Variants in SRPK2 observed in about 807,000 individuals in gnomAD.
SRPK2 encodes SRSF protein kinase 2, also known as SFRS protein kinase 2.
In SRPK2, 21 loss-of-function variants were observed where a neutral mutation model predicts 90.8. The observed-to-expected ratio is 0.23, with a 90% CI of 0.16 to 0.33. The LOEUF is 0.33. Among genes scored for constraint, SRPK2 ranks in the 10% least tolerant of loss-of-function variants. The pLI, the probability that SRPK2 is intolerant of heterozygous loss-of-function variation, is 1.00. For missense variants in SRPK2, 620 were observed against 869.0 expected (o/e 0.71, Z 3.60); for synonymous variants, 288 against 311.1 (o/e 0.93, Z 0.78).
chr7:105,246,606 C>G (rs1445529354), intron 2 of SRPK2, among the ~76,000 whole-genome samples: 1 of 152,198 alleles, frequency 6.6e-6, no homozygotes, highest in Non-Finnish European at 1.5e-5. Context: ...GACAGTGACA[C>G]TGAGGAAGGG....
intron 15 of SRPK2, chr7:105,125,765 T>C: frequency 8.5e-7 from 1 of 1,170,036 alleles, no homozygotes; most frequent in Non-Finnish European, 1.1e-6. Flanking sequence ...AAATTAGTGT[T>C]GCATAAATAC....
At chr7:105,340,693 C>T (rs1031923374) in intron 2 of SRPK2, among the ~76,000 whole-genome samples, 9 of 152,128 alleles carry the variant, frequency 5.9e-5, no homozygotes, top group Non-Finnish European at 1.2e-4. Context: ...ATCTTCCTGC[C>T]TCAGCTTCCC....
At chr7:105,220,800 C>T (rs1798003561) in intron 2 of SRPK2, among the ~76,000 whole-genome samples, 1 of 152,016 alleles carries the variant, frequency 6.6e-6, no homozygotes, top group African/African-American at 2.4e-5. Flanking sequence ...GATTTGATGT[C>T]ATCCCAGGAT....
intron 2 of SRPK2, among the ~76,000 whole-genome samples, chr7:105,279,770 C>T (rs1362628458): frequency 1.3e-5 from 2 of 152,206 alleles, no homozygotes; most frequent in African/African-American, 4.8e-5. Context: ...GACAAAGTAT[C>T]ATTAATAGTT....
At chr7:105,340,399 CTTTTTTTTTTTT>C (rs781142110) in intron 2 of SRPK2, among the ~76,000 whole-genome samples, 1 of 128,314 alleles carries the variant, frequency 7.8e-6, no homozygotes, top group Non-Finnish European at 1.7e-5. Context: ...CTTTTCTCTC[CTTTTTTTTTTTT>C]TTTTTTTTGA....
chr7:105,313,472 A>T (rs1489482811), intron 2 of SRPK2, among the ~76,000 whole-genome samples: 1 of 148,498 alleles, frequency 6.7e-6, no homozygotes, highest in Non-Finnish European at 1.5e-5. Context: ...AAAATTGGCC[A>T]GGCACAGTGG....
intron 13 of SRPK2, among the ~76,000 whole-genome samples, chr7:105,127,705 C>T (rs1343283600): frequency 6.9e-6 from 1 of 145,166 alleles, no homozygotes; most frequent in African/African-American, 2.5e-5. Context: ...TGTCCCTCAG[C>T]ATGCCAGCAT....
intron 2 of SRPK2, among the ~76,000 whole-genome samples, chr7:105,321,175 C>G (rs1052993516): frequency 2.6e-5 from 4 of 152,128 alleles, no homozygotes; most frequent in African/African-American, 9.7e-5. Flanking sequence ...AACAGATATA[C>G]ACATGCACAG....
rs1814147281 is a variant in SRPK2 at position 105,330,284 on chromosome 7, C to A, written c.71+58364G>T. 5.3e-5 allele frequency among the ~76,000 whole-genome samples: 8 copies of A among 151,864 alleles called. No individual in the cohort carries two copies. In the South Asian group the frequency reaches 1.5e-3, roughly 28 times the overall value. On this transcript the variant is annotated intron_variant, in intron 2 of 15. Transcript: ENST00000393651. ...CCCAGGAGGTGGAGCTTGCAGTGAG[C>A]CGAGATCGCGCCACTGCACTCCAGC...
At chr7:105,285,468 T>TATTCTGATTATATATA (rs1807968587) in intron 2 of SRPK2, among the ~76,000 whole-genome samples, 1 of 149,766 alleles carries the variant, frequency 6.7e-6, no homozygotes, top group South Asian at 2.1e-4. Flanking sequence ...GACATTAAAA[T>TATTCTGATTATATATA]ATCAGGATAA....
intron 2 of SRPK2, among the ~76,000 whole-genome samples, chr7:105,245,874 G>A (rs927473094): frequency 4.6e-5 from 7 of 151,964 alleles, no homozygotes; most frequent in South Asian, 2.1e-4. Flanking sequence ...ACACATCATC[G>A]CACCCAGCTG....
chr7:105,363,316 T>C lies in SRPK2; in HGVS notation c.71+25332A>G, dbSNP rs7807830. On this transcript the variant is annotated intron_variant, in intron 2 of 15. Coordinates refer to ENST00000393651, the MANE Select transcript of SRPK2 (RefSeq NM_182692.3). ...TAATATCCAGAATCTACAAAGAACT[T>C]AAACAAATTTACAAGAAAAAATCAA... 1.6e-3 allele frequency among the ~76,000 whole-genome samples: 247 copies of C among 152,020 alleles called. 1 individual carries two copies. The highest frequency in any genetic ancestry group is 5.6e-3 in the African/African-American group (234 of 41,490).
chr7:105,132,974 C>A, intron 12 of SRPK2, 30 bp downstream of exon 12: 3 of 1,613,632 alleles, frequency 1.9e-6, no homozygotes, highest in Non-Finnish European at 2.5e-6. Flanking sequence ...GAATCAAGAC[C>A]AAAGGTTTTA....
upstream of SRPK2, chr7:105,389,034 C>T (rs997562855): frequency 4.1e-6 from 4 of 971,808 alleles, no homozygotes; most frequent in African/African-American, 5.4e-5. Flanking sequence ...ACCCCAGCGC[C>T]GCGCGCCCAG....
intron 2 of SRPK2, among the ~76,000 whole-genome samples, chr7:105,261,562 AC>A (rs990460597): frequency 6.6e-6 from 1 of 151,978 alleles, no homozygotes. Flanking sequence ...AAAATCTAAG[AC>A]CTGTAACCTT....
intron 2 of SRPK2, among the ~76,000 whole-genome samples, chr7:105,209,035 C>A (rs942559853): frequency 2.0e-5 from 3 of 152,184 alleles, no homozygotes; most frequent in Admixed American, 2.0e-4. Flanking sequence ...TCCAACACTA[C>A]ACCGTTATAA....
chr7:105,230,515 G>A (rs1799291190), intron 2 of SRPK2, among the ~76,000 whole-genome samples: 1 of 152,166 alleles, frequency 6.6e-6, no homozygotes, highest in African/African-American at 2.4e-5. Context: ...ACTTAAGCAT[G>A]ATGAAGAAAG....
At chr7:105,132,193 C>T (rs1167289045) in intron 13 of SRPK2, among the ~76,000 whole-genome samples, 2 of 152,214 alleles carry the variant, frequency 1.3e-5, no homozygotes, top group Non-Finnish European at 2.9e-5. Context: ...AGGGAGTGGG[C>T]GTTGCTGCCA....
intron 2 of SRPK2, among the ~76,000 whole-genome samples, chr7:105,368,613 G>A (rs537220327): frequency 3.5e-4 from 54 of 152,208 alleles, no homozygotes; most frequent in Non-Finnish European, 4.4e-4. Flanking sequence ...TGCTGGCCAC[G>A]GCGGCTCAAG....
Sources: allele counts gnomAD v4.1 joint callset (sites outside exome capture counted in the v4.1 genomes callset), GRCh38; gene constraint gnomAD v4.1.1; transcripts MANE v1.5; gene names NCBI Gene and HGNC (gene_info 2026-07-23, HGNC 2026-07-21).